The following PGCKA1 variants were observed in gnomAD, a reference collection of about 807,000 sequenced individuals.
PGCKA1 encodes PDCD10 and GCKIII kinases associated 1.
chr4:37,500,284 C>G, the PGCKA1 span, among the ~76,000 whole-genome samples: 1 of 152,184 alleles, frequency 6.6e-6, no homozygotes, highest in South Asian at 2.1e-4. Flanking sequence ...TTAACACTGC[C>G]TTAGCAGTAT....
the PGCKA1 span, among the ~76,000 whole-genome samples, chr4:37,585,864 T>C: frequency 1.3e-5 from 2 of 152,018 alleles, no homozygotes; most frequent in Admixed American, 6.5e-5. Context: ...GGGACTGTTG[T>C]TGTACTTGGG....
the PGCKA1 span, among the ~76,000 whole-genome samples, chr4:37,585,132 G>A: frequency 2.3e-3 from 235 of 101,276 alleles, 4 homozygotes; most frequent in African/African-American, 0.01. Flanking sequence ...ATTTCAGAGC[G>A]AATTGTGGAG....
the PGCKA1 span, among the ~76,000 whole-genome samples, chr4:37,545,839 ATAATAATTC>A: frequency 1.3e-5 from 2 of 152,242 alleles, no homozygotes; most frequent in African/African-American, 4.8e-5. Context: ...GCCTCCAAAA[ATAATAATTC>A]TAATAATTCC....
the PGCKA1 span, among the ~76,000 whole-genome samples, chr4:37,517,258 TATATATATATAA>T: frequency 8.3e-5 from 12 of 144,896 alleles, no homozygotes; most frequent in East Asian, 2.0e-4. Context: ...TCTCAAAAAA[TATATATATATAA>T]ATATATATAT....
the PGCKA1 span, among the ~76,000 whole-genome samples, chr4:37,592,746 G>T: frequency 4.0e-5 from 6 of 151,894 alleles, no homozygotes; most frequent in African/African-American, 1.4e-4. Flanking sequence ...AAAGTGAGAA[G>T]AATAATTGTA....
At chr4:37,482,709 C>G in the PGCKA1 span, among the ~76,000 whole-genome samples, 1 of 152,082 alleles carries the variant, frequency 6.6e-6, no homozygotes, top group African/African-American at 2.4e-5. Context: ...TTAATGGCAG[C>G]CCCTCCCATC....
At chr4:37,485,713 T>C in the PGCKA1 span, among the ~76,000 whole-genome samples, 1 of 152,294 alleles carries the variant, frequency 6.6e-6, no homozygotes, top group South Asian at 2.1e-4. Flanking sequence ...AATTGAGTCA[T>C]TTTATGAAAT....
chr4:37,523,653 C>T, the PGCKA1 span, among the ~76,000 whole-genome samples: 3 of 152,134 alleles, frequency 2.0e-5, no homozygotes, highest in African/African-American at 4.8e-5. Flanking sequence ...TCAGAAATTA[C>T]ACCATCTGTA....
chr4:37,466,910 C>G, the PGCKA1 span, among the ~76,000 whole-genome samples: 1 of 152,178 alleles, frequency 6.6e-6, no homozygotes, highest in East Asian at 1.9e-4. Context: ...CAAGCCTGAT[C>G]AACATGGTGA....
chr4:37,589,693 G>A, the PGCKA1 span, among the ~76,000 whole-genome samples: 2 of 152,098 alleles, frequency 1.3e-5, no homozygotes, highest in African/African-American at 2.4e-5. Context: ...GTGCAGGGGC[G>A]TGATCTCAGC....
At chr4:37,500,658 G>A in the PGCKA1 span, among the ~76,000 whole-genome samples, 2 of 152,196 alleles carry the variant, frequency 1.3e-5, no homozygotes, top group Non-Finnish European at 2.9e-5. Flanking sequence ...GCTGAGTTCA[G>A]GTCCCAAATT....
chr4:37,581,960 A>G, the PGCKA1 span, among the ~76,000 whole-genome samples: 1 of 152,160 alleles, frequency 6.6e-6, no homozygotes, highest in Non-Finnish European at 1.5e-5. This position sits in a 1 kb window ranked among gnomAD's most constrained non-coding sequence, Gnocchi z 4.4. Context: ...ATCTGGTCCA[A>G]ATGCTCCCTC....
the PGCKA1 span, among the ~76,000 whole-genome samples, chr4:37,579,751 A>G: frequency 6.6e-6 from 1 of 152,130 alleles, no homozygotes; most frequent in African/African-American, 2.4e-5. Context: ...GCCTTGAGGT[A>G]GTCTTCTTTG....
chr4:37,547,100 AC>A, the PGCKA1 span, among the ~76,000 whole-genome samples: 1 of 151,966 alleles, frequency 6.6e-6, no homozygotes, highest in South Asian at 2.1e-4. Context: ...TGGCCTGATC[AC>A]CCATGGCGTG....
At chr4:37,511,294 G>T in the PGCKA1 span, among the ~76,000 whole-genome samples, 1 of 152,036 alleles carries the variant, frequency 6.6e-6, no homozygotes, top group African/African-American at 2.4e-5. Context: ...AGCCACCACT[G>T]CTAGGAATGT....
At chr4:37,513,776 T>C in the PGCKA1 span, among the ~76,000 whole-genome samples, 1 of 152,182 alleles carries the variant, frequency 6.6e-6, no homozygotes, top group South Asian at 2.1e-4. Context: ...TCAGAAATTG[T>C]GTGGAGACTA....
the PGCKA1 span, among the ~76,000 whole-genome samples, chr4:37,469,382 A>G: frequency 6.6e-6 from 1 of 152,178 alleles, no homozygotes; most frequent in African/African-American, 2.4e-5. Flanking sequence ...GCAGAAATTT[A>G]TTTCTCAATA....
At chr4:37,477,944 G>A in the PGCKA1 span, among the ~76,000 whole-genome samples, 1 of 152,030 alleles carries the variant, frequency 6.6e-6, no homozygotes, top group Non-Finnish European at 1.5e-5. Flanking sequence ...TTTCAGGTTG[G>A]AAAATCTGAT....
chr4:37,499,712 C>T, the PGCKA1 span, among the ~76,000 whole-genome samples: 6 of 151,520 alleles, frequency 4.0e-5, no homozygotes, highest in Admixed American at 1.3e-4. Context: ...AGTCTAGCTA[C>T]TGGTCTGTGT....
Sources: gnomAD v4.1 joint callset for allele counts (sites outside exome capture counted in the v4.1 genomes callset) on GRCh38, gnomAD v4.1.1 for gene constraint, Gnocchi (gnomAD v3.1) non-coding constraint, MANE v1.5 for transcripts, NCBI Gene and HGNC (gene_info 2026-07-23, HGNC 2026-07-21) for gene names.